WDR33: variants seen among roughly 807,000 people sequenced by gnomAD.
WDR33 encodes pre-mRNA 3' end processing protein WDR33.
In WDR33, 47 loss-of-function variants were observed where a neutral mutation model predicts 164.9. The ratio of observed to expected loss-of-function variants is 0.29; its 90% CI spans 0.23 to 0.36. The LOEUF is 0.36. WDR33 is among the 10% of genes least tolerant of loss of function. WDR33 has a pLI of 1.00. For synonymous variants in WDR33, 505 were observed against 589.0 expected (o/e 0.86, Z 2.06); for missense variants, 1,137 against 1,754.1 (o/e 0.65, Z 6.28).
chr2:127,786,537 G>C (rs1225594083), intron 1 of WDR33, among the ~76,000 whole-genome samples: 1 of 152,114 alleles, frequency 6.6e-6, no homozygotes, highest in Non-Finnish European at 1.5e-5. Context: ...ACAAACATTA[G>C]CTGGGCATGG....
intron 21 of WDR33, among the ~76,000 whole-genome samples, chr2:127,707,738 G>A (rs1254345517): frequency 1.3e-5 from 2 of 152,330 alleles, no homozygotes; most frequent in African/African-American, 4.8e-5. Context: ...GCCAAGGCAG[G>A]TGGATCACTT....
At chr2:127,727,659 A>T (rs1686603827) in intron 7 of WDR33, among the ~76,000 whole-genome samples, 1 of 152,210 alleles carries the variant, frequency 6.6e-6, no homozygotes. Context: ...TAAAAGTCAT[A>T]AACGTGAAAG....
chr2:127,759,862 G>C (rs1367166506), intron 7 of WDR33, among the ~76,000 whole-genome samples: 5 of 152,142 alleles, frequency 3.3e-5, no homozygotes, highest in Non-Finnish European at 7.4e-5. Context: ...GCAACACAGG[G>C]AGAGCCTGAC....
rs1685962025 is a variant in WDR33, at chr2:127,704,307, T to G, written c.*2016A>C. ...TGTGATCTGTCAAGTCCAGTAGAGC[T>G]TCAAGGTAAAATGAAAATTTTTAAA... On this transcript the variant is annotated 3_prime_UTR_variant, in exon 22 of 22. Coordinates refer to ENST00000322313, the MANE Select transcript of WDR33 (RefSeq NM_018383.5). 1 of 166,908 alleles carries G rather than the reference T, an allele frequency of 6.0e-6. No individual in the cohort carries two copies. Among genetic ancestry groups the G allele is most frequent in the Non-Finnish European group, 1.5e-5 (1 of 68,086 alleles). The allele number at this position is 166,908 out of a possible 1,614,324, so 10.3% of individuals were successfully genotyped here.
Position 127,712,319 on chromosome 2 carries a change from CT to C in WDR33, c.3308+1263del, listed in dbSNP as rs1686201799. Among the ~76,000 whole-genome samples, 1 of 151,808 alleles carries C rather than the reference CT, an allele frequency of 6.6e-6. No individual in the cohort carries two copies. Among genetic ancestry groups the C allele is most frequent in the African/African-American group, 2.4e-5 (1 of 41,334 alleles). The stretch of plus-strand genomic sequence containing the variant: ...GCTGAGACAGGAGAATCACTTGAAC[CT>C]GGAAGGTGGAGGCTGCAGTGAGCCG... On this transcript the variant is annotated intron_variant, in intron 18 of 21. Coordinates refer to ENST00000322313, the MANE Select transcript of WDR33 (RefSeq NM_018383.5). This position sits in a 1 kb window ranked among gnomAD's most constrained non-coding sequence, Gnocchi z 4.0.
chr2:127,729,306 G>T (rs1686646016), intron 7 of WDR33, among the ~76,000 whole-genome samples: 2 of 152,228 alleles, frequency 1.3e-5, no homozygotes, highest in Non-Finnish European at 2.9e-5. Flanking sequence ...GGAATGCAGG[G>T]AGCTGGCCCC....
intron 1 of WDR33, among the ~76,000 whole-genome samples, chr2:127,775,264 C>T (rs1008718482): frequency 6.6e-6 from 1 of 152,242 alleles, no homozygotes; most frequent in African/African-American, 2.4e-5. Context: ...TCCCAGCTCA[C>T]TGTAACCTCC....
intron 7 of WDR33, chr2:127,736,837 C>A (rs1347158834): frequency 1.0e-6 from 1 of 985,184 alleles, no homozygotes; most frequent in Non-Finnish European, 1.2e-6. Context: ...CTGTTAAACT[C>A]TTTTACAATA....
chr2:127,771,430 T>C (rs1467206931), intron 1 of WDR33, among the ~76,000 whole-genome samples: 1 of 152,234 alleles, frequency 6.6e-6, no homozygotes, highest in Non-Finnish European at 1.5e-5. Context: ...TATAATCTTA[T>C]GAGACCACCA....
chr2:127,761,152 A>G (rs558118284), intron 7 of WDR33, among the ~76,000 whole-genome samples: 19 of 152,304 alleles, frequency 1.2e-4, no homozygotes, highest in Non-Finnish European at 2.6e-4. Context: ...GTTTTAGATC[A>G]GACTTCAGTT....
rs929786055 is a variant in WDR33, at chr2:127,721,292, G to T, written c.1671+544C>A. 6.6e-6 allele frequency among the ~76,000 whole-genome samples: 1 copy of T among 152,090 alleles called. No homozygotes were observed. The highest frequency in any genetic ancestry group is 6.5e-5 in the Admixed American group (1 of 15,274). On this transcript the variant is annotated intron_variant, in intron 15 of 21. Transcript: ENST00000322313. The surrounding 1 kb of genome is among the most constrained non-coding windows in gnomAD (Gnocchi z 4.9). ...CCAGCTAATTTTTGTATTTTCAGTA[G>T]AGGTGGGGTTTCACCATGTTGACCA...
chr2:127,713,552 A>G lies in WDR33; in HGVS notation c.3308+31T>C. The G allele has an allele frequency of 6.2e-7, 1 of 1,607,338 alleles. No individual in the cohort carries two copies. Among genetic ancestry groups the G allele is most frequent in the Non-Finnish European group, 8.5e-7 (1 of 1,177,266 alleles). ...CAGCAGATAAAAAGCTCCACTGAAG[A>G]TGGAATGGGCCCACAAAGTATCTGT... is the stretch of plus-strand genomic sequence containing the variant. On this transcript the variant is annotated intron_variant, in intron 18 of 21. Coordinates refer to ENST00000322313, the MANE Select transcript of WDR33 (RefSeq NM_018383.5). The surrounding 1 kb of genome is among the most constrained non-coding windows in gnomAD (Gnocchi z 6.2).
intron 1 of WDR33, among the ~76,000 whole-genome samples, chr2:127,778,190 C>T (rs1688250263): frequency 1.3e-5 from 2 of 151,924 alleles, no homozygotes; most frequent in Non-Finnish European, 2.9e-5. Flanking sequence ...AATCCCAGCA[C>T]TTTGGGAGGC....
chr2:127,808,874 C>T (rs1279002255), intron 1 of WDR33, among the ~76,000 whole-genome samples: 1 of 151,980 alleles, frequency 6.6e-6, no homozygotes, highest in African/African-American at 2.4e-5. Context: ...ACTAAAAATA[C>T]AAAAAATTAG....
intron 7 of WDR33, among the ~76,000 whole-genome samples, chr2:127,745,476 A>G (rs1218653812): frequency 6.6e-6 from 1 of 152,228 alleles, no homozygotes; most frequent in Non-Finnish European, 1.5e-5. Context: ...CTGTATTTAA[A>G]CAATGGTTTT....
chr2:127,726,906 G>T lies in WDR33; in HGVS notation c.725-129C>A, dbSNP rs947790327. On this transcript the variant is annotated intron_variant, in intron 7 of 21. Coordinates refer to ENST00000322313, the MANE Select transcript of WDR33 (RefSeq NM_018383.5). The surrounding 1 kb of genome is among the most constrained non-coding windows in gnomAD (Gnocchi z 4.8). Reference sequence around the variant, plus strand: ...GTCAACTTAAAACTTGTTTTGTGAAGACTCTTTGGCCTCTGTGTGTCTGGA... The same window carrying T: ...GTCAACTTAAAACTTGTTTTGTGAATACTCTTTGGCCTCTGTGTGTCTGGA... The T allele has an allele frequency of 3.2e-6, 4 of 1,230,914 alleles. No individual in the cohort carries two copies. Among genetic ancestry groups the T allele is most frequent in the Non-Finnish European group, 4.5e-6 (4 of 886,738 alleles). 76.2% of individuals were successfully genotyped at this position (1,230,914 alleles called of 1,614,324 possible).
intron 1 of WDR33, among the ~76,000 whole-genome samples, chr2:127,779,104 G>A (rs1376440376): frequency 1.3e-5 from 2 of 150,640 alleles, no homozygotes; most frequent in African/African-American, 4.9e-5. Flanking sequence ...CTTTAAACCA[G>A]AAATCACATC....
intron 1 of WDR33, among the ~76,000 whole-genome samples, chr2:127,802,318 C>A (rs1197930570): frequency 6.6e-6 from 1 of 152,136 alleles, no homozygotes; most frequent in Non-Finnish European, 1.5e-5. Context: ...GGAATGAACT[C>A]CAGAGCTCAG....
chr2:127,745,208 G>C (rs545293742), intron 7 of WDR33, among the ~76,000 whole-genome samples: 1 of 152,100 alleles, frequency 6.6e-6, no homozygotes, highest in Non-Finnish European at 1.5e-5. Flanking sequence ...GTAAATGTAC[G>C]ACCCAGAGTT....
Sources: allele counts gnomAD v4.1 joint callset (sites outside exome capture counted in the v4.1 genomes callset), GRCh38; gene constraint gnomAD v4.1.1; non-coding constraint Gnocchi (gnomAD v3.1); transcripts MANE v1.5; gene names NCBI Gene and HGNC (gene_info 2026-07-23, HGNC 2026-07-21).